The following NRXN1 variants were observed in gnomAD, a reference collection of about 807,000 sequenced individuals.
NRXN1 encodes the protein neurexin 1, also known as neurexin-1.
NRXN1 carries 39 observed loss-of-function variants against 150.9 expected under a neutral mutation model. That is an observed-to-expected ratio of 0.26 (90% confidence interval 0.20 to 0.34). The LOEUF (loss-of-function observed/expected upper bound fraction) is 0.34. Ranked by LOEUF, NRXN1 falls within the 10% of genes least tolerant of loss-of-function variation. The probability of loss-of-function intolerance (pLI) is 1.00; values close to 1 mark genes in which losing one functional copy is unlikely to be tolerated. For synonymous variants in NRXN1, 924 were observed against 757.0 expected, an observed-to-expected ratio of 1.22 and a Z score of -3.62; for missense variants, 1,815 against 1,949.9, an observed-to-expected ratio of 0.93 and a Z score of 1.30.
chr2:50,230,739 G>A (rs982839526), intron 18 of NRXN1, among the ~76,000 whole-genome samples: 5 of 152,022 alleles, frequency 3.3e-5, no homozygotes, highest in African/African-American at 1.2e-4. Context: ...TAAAGATGAT[G>A]ACCAGTAATT....
chr2:50,224,944 C>A (rs902920548), intron 18 of NRXN1, among the ~76,000 whole-genome samples: 1 of 151,870 alleles, frequency 6.6e-6, no homozygotes, highest in African/African-American at 2.4e-5. Flanking sequence ...AAGAAGCATA[C>A]CTAGACTCAG....
chr2:50,895,768 TG>T, intron 5 of NRXN1, among the ~76,000 whole-genome samples: 1 of 151,880 alleles, frequency 6.6e-6, no homozygotes, highest in Middle Eastern at 3.4e-3. Flanking sequence ...TTAGTAAAGA[TG>T]GGGTTTCACC....
intron 17 of NRXN1, among the ~76,000 whole-genome samples, chr2:50,280,042 G>C (rs766202409): frequency 6.6e-6 from 1 of 152,192 alleles, no homozygotes; most frequent in South Asian, 2.1e-4. Flanking sequence ...AATTTGGGAG[G>C]TCGAGGCGGG....
At chr2:50,144,596 C>T (rs1707742754) in intron 18 of NRXN1, among the ~76,000 whole-genome samples, 1 of 151,728 alleles carries the variant, frequency 6.6e-6, no homozygotes, top group African/African-American at 2.4e-5. Flanking sequence ...CCAATTTCAT[C>T]AAATGATAAC....
At chr2:50,692,482 T>A (rs2104888837) in intron 5 of NRXN1, among the ~76,000 whole-genome samples, 1 of 152,178 alleles carries the variant, frequency 6.6e-6, no homozygotes, top group East Asian at 1.9e-4. Flanking sequence ...TTTTTTTTCA[T>A]AACTTCTATT....
chr2:50,825,781 G>T lies in NRXN1; in HGVS notation c.832+96088C>A, dbSNP rs556666521. Reference sequence around the variant, plus strand: ...TGCTTGCAACTGGCATTGGAAGTCGGTCGGGAGGCACTCTTCTGAAAATGA... The same window carrying T: ...TGCTTGCAACTGGCATTGGAAGTCGTTCGGGAGGCACTCTTCTGAAAATGA... On this transcript the variant is annotated intron_variant, in intron 5 of 22. Transcript: ENST00000401669. Among the ~76,000 whole-genome samples the T allele has an allele frequency of 7.9e-5, 12 of 152,298 alleles. No individual in the cohort carries two copies. In the South Asian group the frequency reaches 2.1e-3, roughly 26 times the overall value.
At chr2:50,551,079 AGGAGGAGGAG>A (rs1667438876) in intron 9 of NRXN1, among the ~76,000 whole-genome samples, 1 of 114,550 alleles carries the variant, frequency 8.7e-6, no homozygotes, top group African/African-American at 3.3e-5. Context: ...GAAGAAGAGG[AGGAGGAGGAG>A]GAGGAGGAGG....
intron 5 of NRXN1, among the ~76,000 whole-genome samples, chr2:50,701,146 T>G (rs992018371): frequency 1.3e-5 from 2 of 152,156 alleles, no homozygotes; most frequent in Admixed American, 6.6e-5. Context: ...TATCACACCT[T>G]GTCTATTACA....
At chr2:49,977,498 G>T (rs755592149) in intron 21 of NRXN1, among the ~76,000 whole-genome samples, 1 of 152,106 alleles carries the variant, frequency 6.6e-6, no homozygotes, top group Non-Finnish European at 1.5e-5. Flanking sequence ...CCTTCTTTCC[G>T]AAAGATTAAA....
rs372930809 is a variant in NRXN1 at position 50,391,334 on chromosome 2, GA to G, written c.3364+74107del. 4.0e-5 allele frequency among the ~76,000 whole-genome samples: 6 copies of G among 148,816 alleles called. No homozygotes were observed. The South Asian group carries it at 6.4e-4, about 16-fold the overall frequency. On this transcript the variant is annotated intron_variant, in intron 17 of 22. Transcript: ENST00000401669. ...TTAATATGGAATGGGAAGGGGAATTGAAAAAAAAATAAAGCCTATAGAGCAA... is the reference window on the plus strand; with the variant it reads ...TTAATATGGAATGGGAAGGGGAATTGAAAAAAAATAAAGCCTATAGAGCAA...
chr2:51,023,853 T>G (rs1050711096), intron 2 of NRXN1, among the ~76,000 whole-genome samples: 5 of 152,192 alleles, frequency 3.3e-5, no homozygotes, highest in African/African-American at 1.2e-4. Context: ...AAGCAGGAGC[T>G]TTCTTAAGTC....
At chr2:50,906,860 T>G (rs1683763423) in intron 5 of NRXN1, among the ~76,000 whole-genome samples, 1 of 152,016 alleles carries the variant, frequency 6.6e-6, no homozygotes, top group Admixed American at 6.6e-5. Flanking sequence ...ATTACATGTG[T>G]TGCGGCTCAG....
At chr2:50,161,964 C>T (rs987081129) in intron 18 of NRXN1, among the ~76,000 whole-genome samples, 2 of 151,980 alleles carry the variant, frequency 1.3e-5, no homozygotes, top group Non-Finnish European at 1.5e-5. Flanking sequence ...GGGACAACAA[C>T]AAGAAAAATG....
At chr2:50,867,487 G>C in intron 5 of NRXN1, among the ~76,000 whole-genome samples, 1 of 151,820 alleles carries the variant, frequency 6.6e-6, no homozygotes, top group East Asian at 1.9e-4. Context: ...CTGCTCTCCA[G>C]GGTGCACATT....
At chr2:50,343,887 A>G (rs549902936) in intron 17 of NRXN1, among the ~76,000 whole-genome samples, 2 of 152,362 alleles carry the variant, frequency 1.3e-5, no homozygotes, top group South Asian at 4.1e-4. Flanking sequence ...AGAAATTCTA[A>G]TACAACCAAA....
chr2:50,533,019 G>A (rs944508450), intron 10 of NRXN1, among the ~76,000 whole-genome samples: 2 of 152,116 alleles, frequency 1.3e-5, no homozygotes, highest in Non-Finnish European at 2.9e-5. Flanking sequence ...TTCAATATTA[G>A]GACTATATTT....
At chr2:50,579,347 C>T (rs1029945567) in intron 8 of NRXN1, among the ~76,000 whole-genome samples, 4 of 152,130 alleles carry the variant, frequency 2.6e-5, no homozygotes, top group African/African-American at 9.7e-5. Flanking sequence ...ACAAAAAAGC[C>T]ACAAAGAACC....
At chr2:50,687,044 A>G (rs1574100190) in intron 5 of NRXN1, among the ~76,000 whole-genome samples, 1 of 152,154 alleles carries the variant, frequency 6.6e-6, no homozygotes, top group East Asian at 1.9e-4. Flanking sequence ...CTTAGCGTCA[A>G]ATTGAAAGAG....
intron 5 of NRXN1, among the ~76,000 whole-genome samples, chr2:50,800,421 A>G (rs1436083267): frequency 2.6e-5 from 4 of 152,144 alleles, no homozygotes; most frequent in African/African-American, 9.7e-5. Context: ...TAATTTATCT[A>G]TGAGCGATTA....
Sources: gnomAD v4.1 joint callset for allele counts (sites outside exome capture counted in the v4.1 genomes callset) on GRCh38, gnomAD v4.1.1 for gene constraint, MANE v1.5 for transcripts, NCBI Gene and HGNC (gene_info 2026-07-23, HGNC 2026-07-21) for gene names.